The following ARHGAP32 variants were observed in gnomAD, a reference collection of about 807,000 sequenced individuals.
ARHGAP32 encodes the protein rho GTPase-activating protein 32.
A neutral mutation model predicts 186.5 loss-of-function variants in ARHGAP32; 51 were observed. The observed-to-expected ratio is 0.27, with a 90% CI of 0.22 to 0.35. The LOEUF (loss-of-function observed/expected upper bound fraction) is 0.35, where lower values mean the gene tolerates loss of function less well. Among genes scored for constraint, ARHGAP32 ranks in the 10% least tolerant of loss-of-function variants. The pLI is 1.00. For synonymous variants in ARHGAP32, 950 were observed against 964.3 expected, an observed-to-expected ratio of 0.99 and a Z score of 0.27; for missense variants, 2,186 against 2,623.5, an observed-to-expected ratio of 0.83 and a Z score of 3.64.
intron 11 of ARHGAP32, among the ~76,000 whole-genome samples, chr11:129,034,435 C>T (rs1722412651): frequency 6.6e-6 from 1 of 151,992 alleles, no homozygotes; most frequent in African/African-American, 2.4e-5. Flanking sequence ...AAAATAAGCT[C>T]TGCTTGCTTT....
At chr11:129,053,086 G>C (rs1175364760) in intron 10 of ARHGAP32, among the ~76,000 whole-genome samples, 1 of 151,608 alleles carries the variant, frequency 6.6e-6, no homozygotes, top group African/African-American at 2.4e-5. Context: ...ATAAAAAAAA[G>C]AAAAAAACTA....
intron 1 of ARHGAP32, among the ~76,000 whole-genome samples, chr11:129,247,974 T>G (rs1294388327): frequency 6.6e-6 from 1 of 152,128 alleles, no homozygotes; most frequent in East Asian, 1.9e-4. Context: ...ATCTTCCCCC[T>G]GAATTATTTA....
Position 128,969,597 on chromosome 11 carries a change from C to T in ARHGAP32, c.5616G>A (p.Lys1872=). The change falls in exon 23 of 23, where the codon AAG becomes AAA. Residue 1872 remains lysine, a synonymous_variant. Transcript: ENST00000682385. This position sits in a 1 kb window ranked among gnomAD's most constrained non-coding sequence, Gnocchi z 4.8. ...GCTTCCTGCTCCTCAGGCTGCTCTG[C>T]TTCTGAGGCAGGGATGGCTTCTCCG... The part of the protein sequence containing the change: ...TQPEKPSLPQ[K]QSSLRSRKLP... 2.5e-6 allele frequency: 4 copies of T among 1,614,122 alleles called. No individual in the cohort carries two copies. The highest frequency in any genetic ancestry group is 1.1e-5 in the South Asian group (1 of 91,080).
intron 11 of ARHGAP32, among the ~76,000 whole-genome samples, chr11:128,998,885 G>A (rs1946272508): frequency 6.6e-6 from 1 of 152,154 alleles, no homozygotes; most frequent in African/African-American, 2.4e-5. Context: ...TCCTATGCCT[G>A]TCTTTAATCT....
chr11:129,062,438 T>G, intron 9 of ARHGAP32, 81 bp from the exon 10 acceptor site: 1 of 1,220,456 alleles, frequency 8.2e-7, no homozygotes, highest in Non-Finnish European at 1.2e-6. Flanking sequence ...AAATCCGAAC[T>G]GTATGAAAAG....
At chr11:129,160,995 A>G (rs1943517792) in intron 2 of ARHGAP32, among the ~76,000 whole-genome samples, 1 of 152,306 alleles carries the variant, frequency 6.6e-6, no homozygotes, top group Admixed American at 6.5e-5. Flanking sequence ...CTTAGAAATA[A>G]CGCCACACAT....
At chr11:129,163,946 C>T (rs554476450) in intron 2 of ARHGAP32, among the ~76,000 whole-genome samples, 1 of 152,228 alleles carries the variant, frequency 6.6e-6, no homozygotes, top group African/African-American at 2.4e-5. Context: ...TTCTCTAATC[C>T]TATGCCACAG....
chr11:129,235,372 C>T (rs1944915032), intron 1 of ARHGAP32, among the ~76,000 whole-genome samples: 1 of 152,190 alleles, frequency 6.6e-6, no homozygotes, highest in African/African-American at 2.4e-5. Flanking sequence ...CTCCTCCCTA[C>T]ACTCTTGCCT....
chr11:129,068,973 G>GA (rs1347226527), intron 6 of ARHGAP32, among the ~76,000 whole-genome samples: 15 of 152,130 alleles, frequency 9.9e-5, no homozygotes, highest in Non-Finnish European at 1.8e-4. Context: ...GAACAAGTAT[G>GA]AAAATAAGTA....
intron 2 of ARHGAP32, among the ~76,000 whole-genome samples, chr11:129,126,986 A>G (rs571789740): frequency 4.2e-4 from 64 of 152,328 alleles, no homozygotes; most frequent in African/African-American, 1.5e-3. Context: ...TTGTTCATAA[A>G]TTGACTTAAA....
At chr11:129,190,431 A>G (rs1275395916) in intron 1 of ARHGAP32, among the ~76,000 whole-genome samples, 2 of 152,236 alleles carry the variant, frequency 1.3e-5, no homozygotes, top group African/African-American at 2.4e-5. Context: ...CCATGGTGCT[A>G]TTCAGATAGG....
intron 1 of ARHGAP32, among the ~76,000 whole-genome samples, chr11:129,231,712 A>G (rs190176762): frequency 6.6e-6 from 1 of 152,236 alleles, no homozygotes; most frequent in Admixed American, 6.5e-5. Flanking sequence ...GGCCATCCCA[A>G]TTCAGAATTC....
At chr11:129,278,255 C>T (rs1945558379) in intron 1 of ARHGAP32, among the ~76,000 whole-genome samples, 3 of 152,238 alleles carry the variant, frequency 2.0e-5, no homozygotes, top group Admixed American at 1.3e-4. Context: ...TGTAGCATCA[C>T]GCAGTGCCCC....
chr11:129,092,193 T>C (rs1022918439), intron 6 of ARHGAP32, among the ~76,000 whole-genome samples: 2 of 151,992 alleles, frequency 1.3e-5, no homozygotes, highest in African/African-American at 2.4e-5. Context: ...CAAAATACCA[T>C]GCTTGCCTTC....
At chr11:129,172,770 T>C (rs1291670529) in intron 1 of ARHGAP32, among the ~76,000 whole-genome samples, 1 of 151,838 alleles carries the variant, frequency 6.6e-6, no homozygotes. Flanking sequence ...GACAACATAC[T>C]AGAATCTCTG....
chr11:129,069,627 T>C (rs1451364563), intron 6 of ARHGAP32, among the ~76,000 whole-genome samples: 2 of 152,058 alleles, frequency 1.3e-5, no homozygotes, highest in African/African-American at 4.8e-5. Context: ...AGCTTCAGCT[T>C]TGGAGAATAA....
intron 10 of ARHGAP32, among the ~76,000 whole-genome samples, chr11:129,047,529 G>C (rs1209620278): frequency 6.6e-6 from 1 of 151,056 alleles, no homozygotes; most frequent in Admixed American, 6.6e-5. Flanking sequence ...TAATTTCCTT[G>C]CAATATTAAC....
At chr11:129,140,973 G>A (rs1943038732) in intron 2 of ARHGAP32, among the ~76,000 whole-genome samples, 1 of 152,104 alleles carries the variant, frequency 6.6e-6, no homozygotes, top group South Asian at 2.1e-4. Flanking sequence ...GTCTTTTTCA[G>A]AGATATTTTC....
At chr11:129,045,576 T>G (rs1045969969) in intron 10 of ARHGAP32, among the ~76,000 whole-genome samples, 1 of 152,218 alleles carries the variant, frequency 6.6e-6, no homozygotes, top group African/African-American at 2.4e-5. Context: ...AATGAACACT[T>G]ATACTTTTCT....
Sources: allele counts gnomAD v4.1 joint callset (sites outside exome capture counted in the v4.1 genomes callset), GRCh38; gene constraint gnomAD v4.1.1; non-coding constraint Gnocchi (gnomAD v3.1); transcripts MANE v1.5; gene names NCBI Gene and HGNC (gene_info 2026-07-23, HGNC 2026-07-21).